The following PATJ variants were observed in gnomAD, a reference collection of about 807,000 sequenced individuals.
PATJ encodes the protein PATJ crumbs cell polarity complex component, also known as inaD-like protein.
In PATJ, 190 loss-of-function variants were observed where a neutral mutation model predicts 224.9. The observed-to-expected ratio is 0.84, with a 90% CI of 0.75 to 0.95. The LOEUF (loss-of-function observed/expected upper bound fraction) is 0.95. PATJ is among the 40% of genes least tolerant of loss of function. The probability of loss-of-function intolerance (pLI) is 0.00; values close to 1 mark genes in which losing one functional copy is unlikely to be tolerated. For synonymous variants in PATJ, 769 were observed against 820.3 expected (o/e 0.94, Z 1.07); for missense variants, 2,121 against 2,270.3 (o/e 0.93, Z 1.34).
At chr1:62,004,433 A>G (rs890421714) in intron 28 of PATJ, among the ~76,000 whole-genome samples, 3 of 152,194 alleles carry the variant, frequency 2.0e-5, no homozygotes, top group Non-Finnish European at 4.4e-5. Flanking sequence ...TGAGCCCTAT[A>G]AATTGGAATT....
At chr1:61,889,501 C>T (rs1669296040) in intron 22 of PATJ, among the ~76,000 whole-genome samples, 1 of 152,122 alleles carries the variant, frequency 6.6e-6, no homozygotes, top group South Asian at 2.1e-4. Flanking sequence ...CAGTACCAAG[C>T]CCTATATATA....
chr1:61,767,306 G>C (rs1049150788), intron 4 of PATJ, among the ~76,000 whole-genome samples: 7 of 152,250 alleles, frequency 4.6e-5, no homozygotes, highest in Admixed American at 4.6e-4. Context: ...GGCAGAGGCA[G>C]GAGGATTGCT....
At chr1:61,821,845 G>C (rs1360019795) in intron 14 of PATJ, among the ~76,000 whole-genome samples, 1 of 152,150 alleles carries the variant, frequency 6.6e-6, no homozygotes, top group Non-Finnish European at 1.5e-5. Flanking sequence ...GTCTGTCTTT[G>C]AAAGTCAGGG....
At chr1:61,888,052 A>G (rs1337100219) in intron 22 of PATJ, among the ~76,000 whole-genome samples, 1 of 152,180 alleles carries the variant, frequency 6.6e-6, no homozygotes, top group Non-Finnish European at 1.5e-5. Context: ...TCTGAGTGGA[A>G]GGAAGAGATA....
At chr1:61,782,769 A>G (rs967832256) in intron 7 of PATJ, among the ~76,000 whole-genome samples, 4 of 152,186 alleles carry the variant, frequency 2.6e-5, no homozygotes, top group East Asian at 3.8e-4. Context: ...AGAACATTCT[A>G]TCAGTTGTGG....
rs1324716420 is a variant in PATJ at position 61,959,430 on chromosome 1, T to TTTC, written c.3671-30736_3671-30735insCTT. On this transcript the variant is annotated intron_variant, in intron 27 of 43. Coordinates refer to ENST00000642238, the MANE Select transcript of PATJ (RefSeq NM_001350145.3). ...ATATATTATATATATAATATATTTT[T>TTTC]TTTCTTTTCTTTTTTTTTTTTTTGA... Among the ~76,000 whole-genome samples, 106 of 107,750 alleles carry TTTC rather than the reference T, an allele frequency of 9.8e-4. 1 individual carries two copies. The highest frequency in any genetic ancestry group is 2.1e-3 in the African/African-American group (57 of 26,742). The allele number at this position is 107,750 out of a possible 152,430, so 70.7% of individuals were successfully genotyped here.
Position 62,114,197 on chromosome 1 carries a change from C to G in PATJ, c.4606C>G (p.Leu1536Val), listed in dbSNP as rs763985992. The G allele has an allele frequency of 6.2e-7, 1 of 1,614,030 alleles. No homozygotes were observed. Among genetic ancestry groups the G allele is most frequent in the South Asian group, 1.1e-5 (1 of 91,074 alleles). ...EENLEIFPVD[L>V]QKKAGRGLGL... ...GAACTTGGAGATTTTCCCTGTGGAT[C>G]TGCAGAAGAAAGCTGGCCGGGGCCT... The change falls in exon 35 of 44, where the codon CTG (leucine) becomes GTG (valine). Residue 1536 changes from leucine (L) to valine (V), a missense_variant. Transcript: ENST00000642238.
chr1:61,981,093 A>G (rs1040197377), intron 27 of PATJ, among the ~76,000 whole-genome samples: 3 of 151,980 alleles, frequency 2.0e-5, no homozygotes, highest in Admixed American at 6.5e-5. Flanking sequence ...CTTTTATTTA[A>G]TCCCGAAGCC....
intron 26 of PATJ, among the ~76,000 whole-genome samples, chr1:61,926,341 G>A (rs569764657): frequency 6.6e-6 from 1 of 152,276 alleles, no homozygotes; most frequent in African/African-American, 2.4e-5. Flanking sequence ...TCTTTTTCAA[G>A]AATATCAGTA....
chr1:62,135,214 T>C (rs1666698274), intron 41 of PATJ, among the ~76,000 whole-genome samples: 1 of 151,832 alleles, frequency 6.6e-6, no homozygotes, highest in East Asian at 1.9e-4. Flanking sequence ...GGTTTGCAAA[T>C]AAAAAGCCAA....
intron 37 of PATJ, among the ~76,000 whole-genome samples, chr1:62,117,883 C>A (rs1664623162): frequency 6.6e-6 from 1 of 152,022 alleles, no homozygotes; most frequent in South Asian, 2.1e-4. Flanking sequence ...TATATGTGAC[C>A]CCTAAGTCTC....
intron 28 of PATJ, among the ~76,000 whole-genome samples, chr1:61,997,745 C>T (rs1279275691): frequency 6.6e-6 from 1 of 151,028 alleles, no homozygotes; most frequent in Non-Finnish European, 1.5e-5. Context: ...CAATACAATT[C>T]CATGCTATTC....
chr1:61,819,981 G>A (rs1454499952), intron 14 of PATJ, among the ~76,000 whole-genome samples: 1 of 152,046 alleles, frequency 6.6e-6, no homozygotes, highest in African/African-American at 2.4e-5. Flanking sequence ...TAATTAGGAA[G>A]TGATGCATTT....
At chr1:62,123,341 T>TACATGTACAGGTTTATAAA (rs1665312455) in intron 39 of PATJ, among the ~76,000 whole-genome samples, 1 of 152,078 alleles carries the variant, frequency 6.6e-6, no homozygotes, top group African/African-American at 2.4e-5. Flanking sequence ...TTTTAACCTG[T>TACATGTACAGGTTTATAAA]ACATGTAAAG....
chr1:62,120,758 A>C (rs920633188), intron 37 of PATJ: 4 of 156,666 alleles, frequency 2.6e-5, no homozygotes, highest in African/African-American at 9.6e-5. Flanking sequence ...GTCTTATTAT[A>C]CTTGTTTTAG....
intron 22 of PATJ, among the ~76,000 whole-genome samples, chr1:61,897,893 A>G (rs1322707294): frequency 3.3e-5 from 5 of 152,198 alleles, no homozygotes; most frequent in African/African-American, 4.8e-5. Flanking sequence ...AATAAAAATT[A>G]GACTAGCTAA....
intron 31 of PATJ, among the ~76,000 whole-genome samples, chr1:62,059,873 T>C (rs1409252288): frequency 6.6e-6 from 1 of 152,064 alleles, no homozygotes; most frequent in Non-Finnish European, 1.5e-5. Context: ...GTTACGTAGA[T>C]ATGAAAGTTG....
At position 61,861,808 on chromosome 1, in the gene PATJ, A is replaced by G. The variant is rs906168061; in HGVS notation, c.2439+141A>G. On this transcript the variant is annotated intron_variant, in intron 19 of 43. Transcript: ENST00000642238. ...AATAAATAAAGACATAAAGAAGACA[A>G]AAGCTTGTCCCCATCCCTGGCTAAA... 8.0e-6 allele frequency: 4 copies of G among 500,532 alleles called. No individual in the cohort carries two copies. The South Asian group carries it at 1.2e-4, about 15-fold the overall frequency. The allele number at this position is 500,532 out of a possible 1,614,324, so 31.0% of individuals were successfully genotyped here. A position where few individuals can be genotyped will look rare whatever the true frequency, so the allele number is the denominator to read the frequency against.
At chr1:62,054,353 A>C in intron 31 of PATJ, 2 of 440,404 alleles carry the variant, frequency 4.5e-6, no homozygotes, top group South Asian at 1.6e-5. Context: ...ACAGAGTGAA[A>C]CCCTGTGTCC....
Sources: gnomAD v4.1 joint callset for allele counts (sites outside exome capture counted in the v4.1 genomes callset) on GRCh38, gnomAD v4.1.1 for gene constraint, MANE v1.5 for transcripts, NCBI Gene and HGNC (gene_info 2026-07-23, HGNC 2026-07-21) for gene names.